LBX2: variants seen among roughly 807,000 people sequenced by gnomAD.
LBX2 encodes ladybird homeobox 2, also known as transcription factor LBX2.
Under a neutral mutation model 7.5 loss-of-function variants are expected in LBX2, and 6 were observed. That is an observed-to-expected ratio of 0.80 (90% CI 0.44 to 1.59). The LOEUF (loss-of-function observed/expected upper bound fraction) is 1.59, where lower values mean the gene tolerates loss of function less well. LBX2 is among the 40% of genes most tolerant of loss of function. The probability of loss-of-function intolerance (pLI) is 0.01; values close to 1 mark genes in which losing one functional copy is unlikely to be tolerated. For missense variants in LBX2, 281 were observed against 282.0 expected, an observed-to-expected ratio of 1.00 and a Z score of 0.03; for synonymous variants, 143 against 133.2, an observed-to-expected ratio of 1.07 and a Z score of -0.51.
chr2:74,502,942 C>A, upstream of LBX2: 3 of 1,234,466 alleles, frequency 2.4e-6, no homozygotes, highest in Admixed American at 2.3e-5. This position sits in a 1 kb window ranked among gnomAD's most constrained non-coding sequence, Gnocchi z 5.4. Flanking sequence ...CTGGTGCTGT[C>A]GCCTTTGGAT....
At chr2:74,499,754 G>C (rs928891752), upstream of LBX2, 2 of 600,148 alleles carry the variant, frequency 3.3e-6, no homozygotes, top group African/African-American at 3.8e-5. The surrounding 1 kb of genome is among the most constrained non-coding windows in gnomAD (Gnocchi z 4.6). Flanking sequence ...ATTTCTACAG[G>C]CTGGGGCAGG....
upstream of LBX2, chr2:74,499,633 C>T (rs11688069): frequency 0.17 from 224,720 of 1,332,036 alleles, 29,343 homozygotes; most frequent in East Asian, 0.84. The surrounding 1 kb of genome is among the most constrained non-coding windows in gnomAD (Gnocchi z 4.6). Context: ...CCCCCAGCCT[C>T]GGACCCGCCC....
upstream of LBX2, chr2:74,502,756 G>A (rs1229910719): frequency 5.0e-6 from 8 of 1,614,052 alleles, no homozygotes; most frequent in South Asian, 2.2e-5. The surrounding 1 kb of genome is among the most constrained non-coding windows in gnomAD (Gnocchi z 5.4). Flanking sequence ...TCCCGGGCGT[G>A]CGGGCCGGGA....
chr2:74,499,371 A>G lies in LBX2; in HGVS notation c.167T>C (p.Phe56Ser). 5.8e-6 allele frequency: 9 copies of G among 1,550,628 alleles called. No individual in the cohort carries two copies. Among genetic ancestry groups the G allele is most frequent in the Non-Finnish European group, 7.8e-6 (9 of 1,147,004 alleles). ...CALEELTSKT[F>S]RGLDARALQP... ...CAGAGCGCGCGCGTCAAGTCCGCGG[A>G]AAGTTTTACTAGTCAGCTCCTCCAG... The change falls in exon 1 of 2, where the codon TTC (phenylalanine) becomes TCC (serine). Residue 56 changes from phenylalanine (F) to serine (S), a missense_variant. Phe to Ser is a radical substitution (Grantham distance 155). This residue lies in a region of LBX2 where 216 missense variants were observed against 208.7 expected (regional missense o/e 1.03). Transcript: ENST00000377566. The surrounding 1 kb of genome is among the most constrained non-coding windows in gnomAD (Gnocchi z 4.6).
upstream of LBX2, chr2:74,499,809 A>G (rs894488077): frequency 9.1e-6 from 5 of 547,208 alleles, no homozygotes; most frequent in Admixed American, 9.5e-5. The surrounding 1 kb of genome is among the most constrained non-coding windows in gnomAD (Gnocchi z 4.6). Context: ...GAGCAGGGCC[A>G]CGGGGCTGCT....
At chr2:74,503,259 G>T (rs1158438109), upstream of LBX2, 5 of 175,862 alleles carry the variant, frequency 2.8e-5, no homozygotes, top group Admixed American at 3.1e-4. This position sits in a 1 kb window ranked among gnomAD's most constrained non-coding sequence, Gnocchi z 5.1. Context: ...ATAGACCCGG[G>T]ACGAGCGGCG....
intron 1 of LBX2, chr2:74,498,920 T>C: frequency 4.5e-6 from 1 of 220,648 alleles, no homozygotes. Context: ...GAGAAGAGAG[T>C]GGCTTGGAGC....
upstream of LBX2, chr2:74,503,084 G>A: frequency 2.0e-6 from 1 of 499,550 alleles, no homozygotes; most frequent in Non-Finnish European, 3.5e-6. The surrounding 1 kb of genome is among the most constrained non-coding windows in gnomAD (Gnocchi z 5.1). Flanking sequence ...GCGCCCTGGG[G>A]TGGTCCTGCC....
At position 74,499,516 on chromosome 2, in the gene LBX2, G is replaced by C. The variant is rs1286948436; in HGVS notation, c.22C>G (p.Arg8Gly). 1 of 1,548,986 alleles carries C rather than the reference G, an allele frequency of 6.5e-7. No homozygotes were observed. The highest frequency in any genetic ancestry group is 8.7e-7 in the Non-Finnish European group (1 of 1,146,168). The change falls in exon 1 of 2, where the codon CGA (arginine) becomes GGA (glycine). Residue 8 changes from arginine (R) to glycine (G), a missense_variant. By Grantham distance (125) the Arg-to-Gly change is moderately radical. Around this residue, in one of 3 missense-constraint regions of LBX2, gnomAD observed 216 missense variants for 208.7 expected, o/e 1.03. Transcript: ENST00000377566. The surrounding 1 kb of genome is among the most constrained non-coding windows in gnomAD (Gnocchi z 4.6). Reference sequence around the variant, plus strand: ...ATGCTTAAGAGTGTCCGGGGTGTTCGGGGCTCGCGTCCCGAGTTCATGGTC... The same window carrying C: ...ATGCTTAAGAGTGTCCGGGGTGTTCCGGGCTCGCGTCCCGAGTTCATGGTC... MNSGREP[R>G]TPRTLLSIAD... is the part of the protein sequence containing the mutation.
At chr2:74,499,872 A>G (rs1027986793), upstream of LBX2, among the ~76,000 whole-genome samples, 1 of 152,092 alleles carries the variant, frequency 6.6e-6, no homozygotes, top group Admixed American at 6.5e-5. This position sits in a 1 kb window ranked among gnomAD's most constrained non-coding sequence, Gnocchi z 4.6. Context: ...ATACCTCCAG[A>G]CGCTGTATGC....
upstream of LBX2, chr2:74,502,995 C>T: frequency 1.4e-6 from 1 of 737,234 alleles, no homozygotes; most frequent in Non-Finnish European, 2.1e-6. This position sits in a 1 kb window ranked among gnomAD's most constrained non-coding sequence, Gnocchi z 5.4. Flanking sequence ...TGGGCAGGGG[C>T]AAGGTTTGGC....
At chr2:74,498,607 CCTT>C in intron 1 of LBX2, 1 of 457,362 alleles carries the variant, frequency 2.2e-6, no homozygotes, top group Non-Finnish European at 3.9e-6. Context: ...CAGGGTCAAA[CCTT>C]CTGGGGTGGA....
rs1345730617 is a variant in LBX2, at chr2:74,499,493, G to A, written c.45C>T (p.Ser15=). The A allele has an allele frequency of 2.6e-6, 4 of 1,550,356 alleles. No individual in the cohort carries two copies. Among genetic ancestry groups the A allele is most frequent in the African/African-American group, 1.4e-5 (1 of 73,158 alleles). The change falls in exon 1 of 2, where the codon AGC becomes AGT. Residue 15 remains serine (S), a synonymous_variant. Transcript: ENST00000377566. This position sits in a 1 kb window ranked among gnomAD's most constrained non-coding sequence, Gnocchi z 4.6. The part of the protein sequence containing the change: ...REPRTPRTLL[S]IADILAPRMV... ...TGCGCGGGGCTAGGATGTCTGCGAT[G>A]CTTAAGAGTGTCCGGGGTGTTCGGG...
At chr2:74,502,779 T>TG, upstream of LBX2, 1 of 1,613,560 alleles carries the variant, frequency 6.2e-7, no homozygotes, top group Non-Finnish European at 8.5e-7. This position sits in a 1 kb window ranked among gnomAD's most constrained non-coding sequence, Gnocchi z 5.4. Flanking sequence ...CAGCCAGCGG[T>TG]GGGAAACTCC....
Position 74,498,100 on chromosome 2 carries a change from G to T in LBX2, c.424C>A (p.Arg142Ser). Residue 142 changes from arginine (R) to serine (S), a missense_variant, in exon 2 of 2, where the codon CGC (arginine) becomes AGC (serine). Physicochemically the swap from Arg to Ser is moderately radical, Grantham distance 110. Around this residue, in one of 3 missense-constraint regions of LBX2, gnomAD observed 216 missense variants for 208.7 expected, o/e 1.03. Coordinates refer to ENST00000377566, the MANE Select transcript of LBX2 (RefSeq NM_001282430.2). ...WFQNRRAKLK[R>S]DVEEMRADVA... is the part of the protein sequence containing the mutation. The stretch of plus-strand genomic sequence containing the variant: ...TCGGCGCGCATCTCCTCCACATCGC[G>T]CTTGAGCTTGGCTCGCCGGTTCTGG... 6.2e-7 allele frequency: 1 copy of T among 1,613,194 alleles called. No homozygotes were observed. The highest frequency in any genetic ancestry group is 8.5e-7 in the Non-Finnish European group (1 of 1,179,736).
At chr2:74,501,001 C>T (rs1298255766), upstream of LBX2, among the ~76,000 whole-genome samples, 2 of 152,214 alleles carry the variant, frequency 1.3e-5, no homozygotes, top group South Asian at 2.1e-4. Context: ...CTGCTGCATG[C>T]AATTGGGGTT....
chr2:74,502,365 A>G (rs1674502047), upstream of LBX2: 2 of 418,044 alleles, frequency 4.8e-6, no homozygotes, highest in Admixed American at 8.5e-5. This position sits in a 1 kb window ranked among gnomAD's most constrained non-coding sequence, Gnocchi z 5.4. Context: ...TTAGTCTCGG[A>G]TTGCCGGCCC....
chr2:74,498,271 G>T lies in LBX2; in HGVS notation c.253C>A (p.Arg85=). 15 of 1,586,088 alleles carry T rather than the reference G, an allele frequency of 9.5e-6. No individual in the cohort carries two copies. The highest frequency in any genetic ancestry group is 1.2e-5 in the Non-Finnish European group (14 of 1,170,086). ...ALGPGPFGRK[R]RKSRTAFTAQ... Reference sequence around the variant, plus strand: ...GTGAACGCAGTGCGTGACTTGCGCCGTTTGCGGCCGAAGGGACCAGGGCCC... The same window carrying T: ...GTGAACGCAGTGCGTGACTTGCGCCTTTTGCGGCCGAAGGGACCAGGGCCC... Residue 85 remains arginine, a synonymous_variant, in exon 2 of 2, where the codon CGG becomes AGG. Transcript: ENST00000377566.
chr2:74,499,060 C>T lies in LBX2; in HGVS notation c.205+273G>A. 3.8e-6 allele frequency: 2 copies of T among 524,956 alleles called. No homozygotes were observed. Among genetic ancestry groups the T allele is most frequent in the Non-Finnish European group, 6.8e-6 (2 of 295,432 alleles). 32.5% of individuals were successfully genotyped at this position (524,956 alleles called of 1,614,324 possible). A position where few individuals can be genotyped will look rare whatever the true frequency, so the allele number is the denominator to read the frequency against. ...TCCTGCCTTTCTCTATCGCGATTGCCCCGCCTACAAGGAACAGAGCAACAG... is the reference window on the plus strand; with the variant it reads ...TCCTGCCTTTCTCTATCGCGATTGCTCCGCCTACAAGGAACAGAGCAACAG... On this transcript the variant is annotated intron_variant, in intron 1 of 1. Coordinates refer to ENST00000377566, the MANE Select transcript of LBX2 (RefSeq NM_001282430.2). This position sits in a 1 kb window ranked among gnomAD's most constrained non-coding sequence, Gnocchi z 4.6.
Sources: allele counts gnomAD v4.1 joint callset (sites outside exome capture counted in the v4.1 genomes callset), GRCh38; gene constraint gnomAD v4.1.1; regional missense constraint gnomAD v4.1.1; non-coding constraint Gnocchi (gnomAD v3.1); transcripts MANE v1.5; gene names NCBI Gene and HGNC (gene_info 2026-07-23, HGNC 2026-07-21).